REPS2: variants seen among roughly 807,000 people sequenced by gnomAD.
REPS2 encodes RALBP1 associated Eps domain containing 2.
A neutral mutation model predicts 53.6 loss-of-function variants in REPS2; 23 were observed. The ratio of observed to expected loss-of-function variants is 0.43; its 90% CI spans 0.31 to 0.61. REPS2 has a LOEUF of 0.61. Ranked by LOEUF, REPS2 falls within the 20% of genes least tolerant of loss-of-function variation. REPS2 has a pLI of 0.11. For synonymous variants in REPS2, 238 were observed against 218.6 expected (o/e 1.09, Z -0.78); for missense variants, 446 against 534.9 (o/e 0.83, Z 1.64).
At chrX:17,129,734 C>T (rs929517771) in intron 14 of REPS2, among the ~76,000 whole-genome samples, 20 of 112,385 alleles carry the variant, frequency 1.8e-4, no homozygotes, top group African/African-American at 6.5e-4. Context: ...AACAAAGACG[C>T]TCTGCTGTGC....
intron 1 of REPS2, among the ~76,000 whole-genome samples, chrX:16,998,219 A>G (rs2061256104): frequency 9.0e-6 from 1 of 111,651 alleles, no homozygotes; most frequent in African/African-American, 3.3e-5. Flanking sequence ...ACTGCTCTGT[A>G]GCCTCGAGGA....
At chrX:16,984,644 A>G (rs2061068721) in intron 1 of REPS2, among the ~76,000 whole-genome samples, 1 of 112,362 alleles carries the variant, frequency 8.9e-6, no homozygotes, top group African/African-American at 3.2e-5. Context: ...AAGATACTTA[A>G]ATCATTTAGA....
chrX:17,039,404 A>G (rs2061804094), intron 5 of REPS2, among the ~76,000 whole-genome samples: 1 of 112,184 alleles, frequency 8.9e-6, no homozygotes, highest in South Asian at 3.7e-4. Flanking sequence ...GGCTAGCTCT[A>G]GGATTCTTTT....
At chrX:17,096,185 G>A (rs1432452647) in intron 13 of REPS2, among the ~76,000 whole-genome samples, 1 of 111,667 alleles carries the variant, frequency 9.0e-6, no homozygotes, top group Non-Finnish European at 1.9e-5. Context: ...TGGCAGAAGC[G>A]ATAGAGGGAA....
the REPS2 span, among the ~76,000 whole-genome samples, chrX:17,196,044 GGAGGAA>G: frequency 9.0e-6 from 1 of 111,404 alleles, no homozygotes; most frequent in Non-Finnish European, 1.9e-5. Context: ...TACTAAAGGA[GGAGGAA>G]GAGGAAGAGG....
chrX:17,141,834 A>G (rs2063451093), intron 17 of REPS2, among the ~76,000 whole-genome samples: 1 of 112,482 alleles, frequency 8.9e-6, no homozygotes, highest in African/African-American at 3.2e-5. Context: ...ATTTTTCTCC[A>G]AAGTAGTCTA....
At chrX:17,191,722 C>T in the REPS2 span, among the ~76,000 whole-genome samples, 1 of 112,479 alleles carries the variant, frequency 8.9e-6, no homozygotes, top group Non-Finnish European at 1.9e-5. Flanking sequence ...ATACTTGCAA[C>T]AACATGGATT....
intron 5 of REPS2, among the ~76,000 whole-genome samples, chrX:17,043,593 A>G (rs1213213643): frequency 9.2e-6 from 1 of 108,591 alleles, no homozygotes; most frequent in Non-Finnish European, 1.9e-5. Flanking sequence ...TTTAAGTCCC[A>G]CCTACCCTTT....
chrX:17,037,453 C>T (rs1430061099), intron 5 of REPS2, among the ~76,000 whole-genome samples: 4 of 112,283 alleles, frequency 3.6e-5, no homozygotes, highest in South Asian at 3.7e-4. Flanking sequence ...GGACTACAGG[C>T]GTGCGCCACT....
chrX:16,991,528 T>C (rs937924642), intron 1 of REPS2, among the ~76,000 whole-genome samples: 5 of 111,412 alleles, frequency 4.5e-5, no homozygotes, highest in Non-Finnish European at 7.5e-5. Flanking sequence ...GGTTGAATTG[T>C]GTCCCCCACA....
chrX:17,133,922 A>C lies in REPS2; in HGVS notation c.1662+15A>C. The C allele has an allele frequency of 8.5e-7, 1 of 1,176,114 alleles. No homozygotes were observed. The highest frequency in any genetic ancestry group is 3.0e-5 in the East Asian group (1 of 33,718). ...CAGCAAAGAAGGTAAGGTCAGCCTGAGGATGCTGTCAGATGGCGTTGCGAG... is the reference window on the plus strand; with the variant it reads ...CAGCAAAGAAGGTAAGGTCAGCCTGCGGATGCTGTCAGATGGCGTTGCGAG... On this transcript the variant is annotated intron_variant, in intron 15 of 17. Transcript: ENST00000357277.
the REPS2 span, among the ~76,000 whole-genome samples, chrX:17,162,540 T>G: frequency 2.0e-4 from 23 of 112,612 alleles, no homozygotes; most frequent in Non-Finnish European, 3.9e-4. Flanking sequence ...CTGACTGACC[T>G]TAGGCTTCTG....
chrX:17,002,692 G>C (rs1028445874), intron 1 of REPS2, among the ~76,000 whole-genome samples: 6 of 112,029 alleles, frequency 5.4e-5, no homozygotes, highest in Non-Finnish European at 1.1e-4. Context: ...CACTTGGGGA[G>C]GGTTGACACC....
chrX:17,031,748 G>A (rs904031591), intron 5 of REPS2, among the ~76,000 whole-genome samples: 2 of 111,792 alleles, frequency 1.8e-5, no homozygotes, highest in Non-Finnish European at 3.8e-5. Context: ...GTACATGGGT[G>A]TTATCCAGGT....
chrX:17,131,772 T>G (rs2148137473), intron 14 of REPS2, among the ~76,000 whole-genome samples: 1 of 111,144 alleles, frequency 9.0e-6, no homozygotes, highest in African/African-American at 3.3e-5. Context: ...TTGAAGTGCT[T>G]TGGGGACATT....
intron 1 of REPS2, among the ~76,000 whole-genome samples, chrX:16,951,269 A>C (rs1237657633): frequency 9.0e-6 from 1 of 111,587 alleles, no homozygotes; most frequent in African/African-American, 3.3e-5. Context: ...TTCTAGTTTA[A>C]AAGTATCCCA....
intron 13 of REPS2, among the ~76,000 whole-genome samples, chrX:17,085,831 A>G (rs2062526710): frequency 8.9e-6 from 1 of 111,958 alleles, no homozygotes; most frequent in Non-Finnish European, 1.9e-5. Context: ...AACTCTTTGT[A>G]TATCTCTCTA....
chrX:17,020,350 G>T (rs1398492781), intron 2 of REPS2, among the ~76,000 whole-genome samples: 3 of 111,524 alleles, frequency 2.7e-5, no homozygotes, highest in Non-Finnish European at 5.7e-5. Context: ...GGTAGATCAG[G>T]GTGCAAATTA....
chrX:16,994,372 C>CATAT (rs55964545), intron 1 of REPS2, among the ~76,000 whole-genome samples: 2 of 107,854 alleles, frequency 1.9e-5, no homozygotes, highest in African/African-American at 3.4e-5. Flanking sequence ...CATATATATA[C>CATAT]ATATATATAC....
Sources: gnomAD v4.1 joint callset for allele counts (sites outside exome capture counted in the v4.1 genomes callset) on GRCh38, gnomAD v4.1.1 for gene constraint, MANE v1.5 for transcripts, NCBI Gene and HGNC (gene_info 2026-07-23, HGNC 2026-07-21) for gene names.